Variants in ERCC6L2 observed in about 807,000 individuals in gnomAD.
ERCC6L2 encodes the protein DNA excision repair protein ERCC-6-like 2.
A neutral mutation model predicts 132.0 loss-of-function variants in ERCC6L2; 77 were observed. The ratio of observed to expected loss-of-function variants is 0.58; its 90% CI spans 0.49 to 0.71. ERCC6L2 has a LOEUF of 0.71. Ranked by LOEUF, ERCC6L2 falls within the 30% of genes least tolerant of loss-of-function variation. The pLI is 0.00. For missense variants in ERCC6L2, 1,542 were observed against 1,837.6 expected (o/e 0.84, Z 2.94); for synonymous variants, 583 against 632.4 (o/e 0.92, Z 1.17).
At chr9:96,032,267 C>T (rs1458609154) in intron 19 of ERCC6L2, among the ~76,000 whole-genome samples, 2 of 152,180 alleles carry the variant, frequency 1.3e-5, no homozygotes, top group Non-Finnish European at 2.9e-5. Flanking sequence ...CCACTGGAAA[C>T]CCCCAGGAAC....
chr9:96,005,658 A>G (rs1385288106), intron 18 of ERCC6L2, among the ~76,000 whole-genome samples: 1 of 151,740 alleles, frequency 6.6e-6, no homozygotes, highest in Non-Finnish European at 1.5e-5. Flanking sequence ...GTAGCATGAG[A>G]TGGAGGGTAG....
chr9:95,903,595 T>G (rs548601501), intron 3 of ERCC6L2, among the ~76,000 whole-genome samples: 7 of 151,942 alleles, frequency 4.6e-5, no homozygotes, highest in Non-Finnish European at 8.8e-5. Context: ...TATCAAGTTT[T>G]GGCATAATGC....
At chr9:95,983,752 A>G (rs1832979569) in intron 17 of ERCC6L2, among the ~76,000 whole-genome samples, 1 of 152,194 alleles carries the variant, frequency 6.6e-6, no homozygotes, top group Non-Finnish European at 1.5e-5. Context: ...AGTATTTCAG[A>G]ATTTGAAGGA....
rs61748989 is a variant in ERCC6L2 at position 95,907,082 on chromosome 9, T to G, written c.599T>G (p.Phe200Cys). ...EPLSSTAKKM[F>C]LIVAPLSVLY... The stretch of plus-strand genomic sequence containing the variant: ...ATTTTTTTATTCTTGTTTTAGATGT[T>G]CTTAATAGTTGCTCCTCTTTCTGTC... The change falls in exon 4 of 19, where the codon TTC (phenylalanine) becomes TGC (cysteine). Residue 200 changes from phenylalanine (F) to cysteine (C), a missense_variant. Coordinates refer to ENST00000653738, the MANE Select transcript of ERCC6L2 (RefSeq NM_020207.7). 1 of 1,596,332 alleles carries G rather than the reference T, an allele frequency of 6.3e-7. No homozygotes were observed. Among genetic ancestry groups the G allele is most frequent in the Non-Finnish European group, 8.5e-7 (1 of 1,175,802 alleles).
chr9:95,906,718 C>T (rs1270726535), intron 3 of ERCC6L2: 3 of 461,650 alleles, frequency 6.5e-6, no homozygotes, highest in African/African-American at 2.0e-5. Flanking sequence ...TGTGTATGTA[C>T]ATTACCCACT....
At chr9:95,915,858 T>C (rs780711020) in intron 5 of ERCC6L2, 29 bp downstream of exon 5, 69 of 1,564,040 alleles carry the variant, frequency 4.4e-5, no homozygotes, top group Non-Finnish European at 5.6e-5. Flanking sequence ...TAAAAAATTG[T>C]TTAATAGTTC....
chr9:96,030,539 A>G (rs1487898067), intron 19 of ERCC6L2, among the ~76,000 whole-genome samples: 4 of 152,044 alleles, frequency 2.6e-5, no homozygotes, highest in Admixed American at 2.6e-4. Flanking sequence ...CTACTAAAAA[A>G]AAATACAAAA....
chr9:95,912,057 A>G (rs1225200505), intron 4 of ERCC6L2, among the ~76,000 whole-genome samples: 2 of 152,038 alleles, frequency 1.3e-5, no homozygotes, highest in Non-Finnish European at 2.9e-5. Context: ...CAGTGGGAGG[A>G]TTCTTAAACA....
intron 11 of ERCC6L2, among the ~76,000 whole-genome samples, chr9:95,935,745 C>T (rs113125213): frequency 1.1e-4 from 16 of 152,158 alleles, no homozygotes; most frequent in African/African-American, 3.1e-4. Context: ...GCTGCAGAGA[C>T]GGTAGGCCTG....
rs903183292 is a variant in ERCC6L2, at chr9:96,031,976, C to T, written c.*1504-6900C>T. On this transcript the variant is annotated intron_variant and NMD_transcript_variant, in intron 19 of 20. Transcript: ENST00000670016. ...AACATTGCAGTCAAGAAAAGTAGAA[C>T]AATTTAAATCACAAGCCCTCAACCT... 2.0e-5 allele frequency among the ~76,000 whole-genome samples: 3 copies of T among 152,200 alleles called. No individual in the cohort carries two copies. In the East Asian group the frequency reaches 5.8e-4, roughly 29 times the overall value.
intron 10 of ERCC6L2, 89 bp from the exon 11 acceptor site, chr9:95,928,630 A>G (rs1410111540): frequency 1.7e-6 from 2 of 1,186,530 alleles, no homozygotes; most frequent in Non-Finnish European, 2.3e-6. Context: ...AACACCAATA[A>G]TTAATACTTA....
chr9:95,988,078 G>A (rs1026091908), intron 17 of ERCC6L2, among the ~76,000 whole-genome samples: 6 of 152,130 alleles, frequency 3.9e-5, no homozygotes, highest in East Asian at 1.9e-4. Flanking sequence ...ATTTTTCTAC[G>A]AAACCATTTT....
At chr9:95,971,291 G>T (rs1008975720) in intron 15 of ERCC6L2, among the ~76,000 whole-genome samples, 2 of 151,912 alleles carry the variant, frequency 1.3e-5, no homozygotes, top group Non-Finnish European at 1.5e-5. Flanking sequence ...TCAAATATTG[G>T]CAAAAGTATT....
chr9:95,920,075 G>A (rs926051788), intron 6 of ERCC6L2, among the ~76,000 whole-genome samples: 1 of 152,178 alleles, frequency 6.6e-6, no homozygotes, highest in African/African-American at 2.4e-5. Context: ...TGAAACTAAA[G>A]CAAATGGTGG....
chr9:95,987,801 C>T (rs1368305888), intron 17 of ERCC6L2, among the ~76,000 whole-genome samples: 1 of 152,252 alleles, frequency 6.6e-6, no homozygotes, highest in African/African-American at 2.4e-5. Flanking sequence ...CCCTTCTGCA[C>T]TGCCCTAGCA....
intron 11 of ERCC6L2, among the ~76,000 whole-genome samples, chr9:95,931,180 TC>T (rs1291997132): frequency 2.0e-5 from 3 of 152,204 alleles, no homozygotes; most frequent in Non-Finnish European, 4.4e-5. Flanking sequence ...TTTGCACTGT[TC>T]AGTTCACTTC....
chr9:95,899,614 G>A (rs1279879627), intron 3 of ERCC6L2, among the ~76,000 whole-genome samples: 20 of 143,856 alleles, frequency 1.4e-4, no homozygotes, highest in African/African-American at 4.5e-4. Context: ...GTGTGTGTGT[G>A]TGTGTGTGTG....
intron 2 of ERCC6L2, among the ~76,000 whole-genome samples, chr9:95,888,327 G>C (rs1488323589): frequency 6.6e-6 from 1 of 152,102 alleles, no homozygotes; most frequent in Non-Finnish European, 1.5e-5. Context: ...TTATAAAACT[G>C]TTGGCTTGAC....
chr9:95,908,157 G>A (rs967084352), intron 4 of ERCC6L2, among the ~76,000 whole-genome samples: 10 of 152,046 alleles, frequency 6.6e-5, no homozygotes, highest in African/African-American at 2.4e-4. Context: ...GAATTGTGTC[G>A]CTTCTCCTCA....
Sources: gnomAD v4.1 joint callset for allele counts (sites outside exome capture counted in the v4.1 genomes callset) on GRCh38, gnomAD v4.1.1 for gene constraint, MANE v1.5 for transcripts, NCBI Gene and HGNC (gene_info 2026-07-23, HGNC 2026-07-21) for gene names.